The following DNAH9 variants were observed in gnomAD, a reference collection of about 807,000 sequenced individuals.
The protein encoded by DNAH9 is DNAH9 variant protein.
Under a neutral mutation model 471.6 loss-of-function variants are expected in DNAH9, and 345 were observed. The observed-to-expected ratio is 0.73, with a 90% CI of 0.67 to 0.80. DNAH9 has a LOEUF of 0.80. Among genes scored for constraint, DNAH9 ranks in the 30% least tolerant of loss-of-function variants. DNAH9 has a pLI of 0.00. For missense variants in DNAH9, 5,407 were observed against 5,609.2 expected, an observed-to-expected ratio of 0.96 and a Z score of 1.15; for synonymous variants, 2,093 against 2,123.6, an observed-to-expected ratio of 0.99 and a Z score of 0.40.
intron 35 of DNAH9, among the ~76,000 whole-genome samples, chr17:11,759,767 A>G (rs1287858755): frequency 6.6e-6 from 1 of 151,128 alleles, no homozygotes; most frequent in Non-Finnish European, 1.5e-5. Flanking sequence ...GCTCACTGCA[A>G]CCTCTGCCTC....
At chr17:11,938,116 G>C (rs1162975381) in intron 66 of DNAH9, among the ~76,000 whole-genome samples, 2 of 152,130 alleles carry the variant, frequency 1.3e-5, no homozygotes, top group East Asian at 3.9e-4. Context: ...GTGAGGTGTG[G>C]GTTTCAGGAC....
At chr17:11,757,384 C>T (rs1967442367) in intron 34 of DNAH9, among the ~76,000 whole-genome samples, 161 bp from the exon 35 acceptor site, 2 of 152,170 alleles carry the variant, frequency 1.3e-5, no homozygotes, top group South Asian at 4.1e-4. Flanking sequence ...AGTTGGTCCT[C>T]AATAGCAAAC....
At chr17:11,747,018 G>T (rs1014239042) in intron 31 of DNAH9, among the ~76,000 whole-genome samples, 1 of 152,172 alleles carries the variant, frequency 6.6e-6, no homozygotes, top group Non-Finnish European at 1.5e-5. Flanking sequence ...TCAAATTAGA[G>T]CTGGAAGTCA....
intron 14 of DNAH9, among the ~76,000 whole-genome samples, chr17:11,655,157 G>A (rs922450477): frequency 1.6e-4 from 24 of 151,580 alleles, no homozygotes; most frequent in African/African-American, 4.8e-4. Flanking sequence ...CCTTTCCTCC[G>A]AGTCCCCAAA....
chr17:11,863,549 G>A (rs1971935217), intron 50 of DNAH9, among the ~76,000 whole-genome samples: 1 of 152,090 alleles, frequency 6.6e-6, no homozygotes, highest in Admixed American at 6.5e-5. Flanking sequence ...ATGAGTTAGG[G>A]AGGATTCCCT....
intron 43 of DNAH9, 141 bp downstream of exon 43, chr17:11,797,934 G>GCTCA: frequency 1.2e-6 from 1 of 812,876 alleles, no homozygotes; most frequent in Non-Finnish European, 1.9e-6. Flanking sequence ...ATGGCTGCTG[G>GCTCA]CAGAGCAGCT....
intron 26 of DNAH9, among the ~76,000 whole-genome samples, chr17:11,713,873 T>C (rs1425002274): frequency 6.6e-6 from 1 of 152,196 alleles, no homozygotes; most frequent in East Asian, 1.9e-4. Flanking sequence ...AGAAGTGTAA[T>C]TATAACTACT....
chr17:11,620,018 C>G (rs573537767), intron 6 of DNAH9: 2 of 507,534 alleles, frequency 3.9e-6, no homozygotes. Context: ...TAAAACCAGC[C>G]GGGCCAACAT....
intron 6 of DNAH9, among the ~76,000 whole-genome samples, chr17:11,628,329 C>T (rs16945102): frequency 0.017 from 2,564 of 152,288 alleles, 86 homozygotes; most frequent in African/African-American, 0.059. Context: ...TTCTGGGTTG[C>T]GCCGTCCACC....
At chr17:11,782,688 G>A (rs1328688940) in intron 39 of DNAH9, among the ~76,000 whole-genome samples, 1 of 152,198 alleles carries the variant, frequency 6.6e-6, no homozygotes, top group Non-Finnish European at 1.5e-5. Context: ...CTTGAGCCCA[G>A]GAGTTTGAGA....
intron 28 of DNAH9, among the ~76,000 whole-genome samples, chr17:11,738,450 G>A (rs374055360): frequency 1.3e-5 from 2 of 152,048 alleles, no homozygotes; most frequent in African/African-American, 4.8e-5. Context: ...GCATGATCTC[G>A]GCTCACGGCA....
intron 9 of DNAH9, among the ~76,000 whole-genome samples, chr17:11,637,325 C>A (rs2073183667): frequency 6.6e-6 from 1 of 152,154 alleles, no homozygotes; most frequent in South Asian, 2.1e-4. Context: ...ACATGCCAAG[C>A]ATGCCTGTGG....
intron 30 of DNAH9, 135 bp from the exon 31 acceptor site, chr17:11,744,662 A>G: frequency 1.4e-6 from 1 of 731,788 alleles, no homozygotes; most frequent in South Asian, 2.0e-5. Context: ...TCATTTTCTA[A>G]GTCATCCCTT....
chr17:11,784,087 T>A lies in DNAH9; in HGVS notation c.7822-213T>A, dbSNP rs191691294. ...AGTCCAAGTTTAGTTCTCTTCCTAC[T>A]GCCCCAGGCTGCCATCTTTAACTGA... On this transcript the variant is annotated intron_variant, in intron 40 of 68. Coordinates refer to ENST00000262442, the MANE Select transcript of DNAH9 (RefSeq NM_001372.4). Among the ~76,000 whole-genome samples, 752 of 152,302 alleles carry A rather than the reference T, an allele frequency of 4.9e-3. 6 individuals are homozygous for A. Among genetic ancestry groups the A allele is most frequent in the African/African-American group, 0.017 (714 of 41,564 alleles).
At chr17:11,851,442 A>T (rs1463321378) in intron 49 of DNAH9, among the ~76,000 whole-genome samples, 2 of 152,032 alleles carry the variant, frequency 1.3e-5, no homozygotes, top group Admixed American at 1.3e-4. Flanking sequence ...GTGGATGCAG[A>T]GGTATCAGCC....
chr17:11,852,023 C>A (rs1597734056), intron 49 of DNAH9, among the ~76,000 whole-genome samples: 2 of 152,276 alleles, frequency 1.3e-5, no homozygotes, highest in East Asian at 1.9e-4. Context: ...GGGGCCGTGA[C>A]AACAGGTGTG....
intron 6 of DNAH9, among the ~76,000 whole-genome samples, chr17:11,625,194 C>T (rs2072947544): frequency 6.6e-6 from 1 of 152,136 alleles, no homozygotes; most frequent in Non-Finnish European, 1.5e-5. Flanking sequence ...CAGTAAGCAC[C>T]TTGGCGAGAA....
At position 11,757,588 on chromosome 17, in the gene DNAH9, A is replaced by G; in HGVS notation, c.6891A>G (p.Pro2297=). The change falls in exon 35 of 69, where the codon CCA becomes CCG. Residue 2297 remains proline (P), a synonymous_variant. Transcript: ENST00000262442. ...INPADLGWNP[P]VSSWIEKREI... Reference sequence around the variant, plus strand: ...CGGCAGACTTGGGATGGAACCCTCCAGTGAGCAGCTGGATTGAGAAGAGGG... The same window carrying G: ...CGGCAGACTTGGGATGGAACCCTCCGGTGAGCAGCTGGATTGAGAAGAGGG... 6.2e-7 allele frequency: 1 copy of G among 1,614,014 alleles called. No homozygotes were observed. The highest frequency in any genetic ancestry group is 8.5e-7 in the Non-Finnish European group (1 of 1,179,842).
At chr17:11,707,959 CCACACACACA>C (rs756020074) in intron 26 of DNAH9, among the ~76,000 whole-genome samples, 552 of 106,442 alleles carry the variant, frequency 5.2e-3, no homozygotes, top group African/African-American at 9.9e-3. Flanking sequence ...GCCTCTCCCA[CCACACACACA>C]CACACACACA....
Sources: allele counts gnomAD v4.1 joint callset (sites outside exome capture counted in the v4.1 genomes callset), GRCh38; gene constraint gnomAD v4.1.1; transcripts MANE v1.5; gene names NCBI Gene and HGNC (gene_info 2026-07-23, HGNC 2026-07-21).